The following CNOT6L variants were observed in gnomAD, a reference collection of about 807,000 sequenced individuals.
CNOT6L encodes the protein CCR4-NOT transcription complex subunit 6-like.
A neutral mutation model predicts 64.0 loss-of-function variants in CNOT6L; 7 were observed. The ratio of observed to expected loss-of-function variants is 0.11; its 90% CI spans 0.06 to 0.21. The LOEUF (loss-of-function observed/expected upper bound fraction) is 0.21. Ranked by LOEUF, CNOT6L falls within the 10% of genes least tolerant of loss-of-function variation. The pLI is 1.00. For synonymous variants in CNOT6L, 193 were observed against 243.4 expected (o/e 0.79, Z 1.93); for missense variants, 245 against 669.0 (o/e 0.37, Z 6.99).
intron 1 of CNOT6L, among the ~76,000 whole-genome samples, chr4:77,802,136 AG>A (rs1304298659): frequency 6.6e-6 from 1 of 152,214 alleles, no homozygotes; most frequent in African/African-American, 2.4e-5. Context: ...GTTCTAATAC[AG>A]GTTGATGATT....
Position 77,718,626 on chromosome 4 carries a change from C to A in CNOT6L, c.*1805G>T, listed in dbSNP as rs1020469152. The A allele has an allele frequency of 3.5e-4, 54 of 152,678 alleles. No homozygotes were observed. The highest frequency in any genetic ancestry group is 1.2e-3 in the African/African-American group (51 of 41,558). 9.5% of individuals were successfully genotyped at this position (152,678 alleles called of 1,614,324 possible). On this transcript the variant is annotated 3_prime_UTR_variant, in exon 12 of 12. Coordinates refer to ENST00000504123, the MANE Select transcript of CNOT6L (RefSeq NM_144571.3). ...AGGCACTTTTAAAAGGGAGTTCAGGCTTTACAGAACCCTTCTGATGCAATC... is the reference window on the plus strand; with the variant it reads ...AGGCACTTTTAAAAGGGAGTTCAGGATTTACAGAACCCTTCTGATGCAATC...
At chr4:77,779,117 G>T (rs981925456) in intron 1 of CNOT6L, among the ~76,000 whole-genome samples, 1 of 148,520 alleles carries the variant, frequency 6.7e-6, no homozygotes, top group Non-Finnish European at 1.5e-5. Flanking sequence ...AATTTAATCT[G>T]TTTTAATCAC....
chr4:77,814,527 C>T (rs986335330), intron 1 of CNOT6L, among the ~76,000 whole-genome samples: 1 of 152,146 alleles, frequency 6.6e-6, no homozygotes, highest in Non-Finnish European at 1.5e-5. Context: ...AAATTACATG[C>T]TTTATTTCCC....
At chr4:77,809,822 T>A (rs1437638445) in intron 1 of CNOT6L, among the ~76,000 whole-genome samples, 2 of 152,114 alleles carry the variant, frequency 1.3e-5, no homozygotes, top group African/African-American at 4.8e-5. Context: ...ACTTTAAGAT[T>A]AGAGAGGGAG....
chr4:77,755,944 T>TA (rs1725523177), intron 5 of CNOT6L, among the ~76,000 whole-genome samples: 1 of 152,084 alleles, frequency 6.6e-6, no homozygotes, highest in South Asian at 2.1e-4. Flanking sequence ...AAAAAAGTTT[T>TA]AAATCAAATA....
chr4:77,800,387 TGTGA>T (rs1485427713), intron 1 of CNOT6L, among the ~76,000 whole-genome samples: 2 of 151,806 alleles, frequency 1.3e-5, no homozygotes, highest in Non-Finnish European at 2.9e-5. Flanking sequence ...AGCATGTGAC[TGTGA>T]GTGAGCACCA....
rs188014116 is a variant in CNOT6L, at chr4:77,779,815, T to G, written c.6-3423A>C. ...TCTCTACCAAAAAAAATACAAAAAA[T>G]TAGCCGGGTGTGGTCGCGGGCGCCT... On this transcript the variant is annotated intron_variant, in intron 1 of 11. Coordinates refer to ENST00000504123, the MANE Select transcript of CNOT6L (RefSeq NM_144571.3). Among the ~76,000 whole-genome samples the G allele has an allele frequency of 1.0e-3, 152 of 152,112 alleles. 1 individual carries two copies. Among genetic ancestry groups the G allele is most frequent in the African/African-American group, 3.2e-3 (131 of 41,512 alleles).
intron 1 of CNOT6L, among the ~76,000 whole-genome samples, chr4:77,784,031 T>C (rs1410183919): frequency 1.3e-5 from 2 of 152,148 alleles, no homozygotes; most frequent in Non-Finnish European, 2.9e-5. Flanking sequence ...TTGTTATACA[T>C]CTTTCCAAAG....
intron 1 of CNOT6L, among the ~76,000 whole-genome samples, chr4:77,788,781 A>T (rs1027827513): frequency 1.3e-5 from 2 of 151,972 alleles, no homozygotes; most frequent in African/African-American, 4.8e-5. Flanking sequence ...AAGAAGTGCA[A>T]ATGTGTAATA....
intron 1 of CNOT6L, among the ~76,000 whole-genome samples, chr4:77,804,077 A>T (rs1001755884): frequency 6.6e-6 from 1 of 152,132 alleles, no homozygotes; most frequent in Non-Finnish European, 1.5e-5. Flanking sequence ...AACCATATAC[A>T]TGAATTATTT....
At position 77,717,463 on chromosome 4, in the gene CNOT6L, T is replaced by TATC. The variant is rs1349094862; in HGVS notation, c.*2965_*2967dup. 10 of 152,652 alleles carry TATC rather than the reference T, an allele frequency of 6.6e-5. No homozygotes were observed. The highest frequency in any genetic ancestry group is 1.5e-4 in the Non-Finnish European group (10 of 68,010). 9.5% of individuals were successfully genotyped at this position (152,652 alleles called of 1,614,324 possible). A position where few individuals can be genotyped will look rare whatever the true frequency, so the allele number is the denominator to read the frequency against. On this transcript the variant is annotated 3_prime_UTR_variant, in exon 12 of 12. Coordinates refer to ENST00000504123, the MANE Select transcript of CNOT6L (RefSeq NM_144571.3). ...TATTTAACAGTTTTAAAAAAACATGTATCACATTCTAAAAATGCCCAGATT... is the reference window on the plus strand; with the variant it reads ...TATTTAACAGTTTTAAAAAAACATGTATCATCACATTCTAAAAATGCCCAGATT...
chr4:77,815,763 G>A (rs547765978), intron 1 of CNOT6L, among the ~76,000 whole-genome samples: 1 of 152,196 alleles, frequency 6.6e-6, no homozygotes, highest in South Asian at 2.1e-4. Context: ...GGACTCCAAG[G>A]CCCTAAGAAA....
chr4:77,747,450 G>T (rs1215193970), intron 6 of CNOT6L, among the ~76,000 whole-genome samples: 1 of 152,184 alleles, frequency 6.6e-6, no homozygotes, highest in African/African-American at 2.4e-5. Context: ...TTACAGGCAT[G>T]AGCCACAGTG....
Position 77,720,266 on chromosome 4 carries a change from T to C in CNOT6L, c.*165A>G. ...CTTTGGTTCCAGCCCTACTGCCAAA[T>C]GATACCAATATGCACAAAAATGTAC... On this transcript the variant is annotated 3_prime_UTR_variant, in exon 12 of 12. Coordinates refer to ENST00000504123, the MANE Select transcript of CNOT6L (RefSeq NM_144571.3). 1.5e-6 allele frequency: 1 copy of C among 675,602 alleles called. No homozygotes were observed. Among genetic ancestry groups the C allele is most frequent in the South Asian group, 2.4e-5 (1 of 42,524 alleles). The allele number at this position is 675,602 out of a possible 1,614,324, so 41.9% of individuals were successfully genotyped here.
intron 5 of CNOT6L, among the ~76,000 whole-genome samples, chr4:77,755,469 C>T (rs1725458042): frequency 6.6e-6 from 1 of 152,054 alleles, no homozygotes; most frequent in Admixed American, 6.6e-5. Flanking sequence ...CCCACTTGGC[C>T]TCCCAAAGTG....
chr4:77,817,552 GCTCT>G (rs67118509), intron 1 of CNOT6L, among the ~76,000 whole-genome samples: 37,384 of 151,940 alleles, frequency 0.25, 5,287 homozygotes, highest in East Asian at 0.48. Context: ...AAAGGTATTA[GCTCT>G]CTGTGACTGA....
intron 10 of CNOT6L, among the ~76,000 whole-genome samples, chr4:77,728,043 A>G (rs1722065444): frequency 6.6e-6 from 1 of 152,240 alleles, no homozygotes; most frequent in Admixed American, 6.5e-5. Flanking sequence ...AAAGAGTAAT[A>G]GTCTAATGTT....
rs941047327 is a variant in CNOT6L, at chr4:77,819,360, AAC to A, written c.-54_-53del. 9.3e-6 allele frequency: 15 copies of A among 1,610,884 alleles called. No individual in the cohort carries two copies. In the African/African-American group the frequency reaches 1.2e-4, roughly 13 times the overall value. On this transcript the variant is annotated 5_prime_UTR_variant, in exon 1 of 12. Coordinates refer to ENST00000504123, the MANE Select transcript of CNOT6L (RefSeq NM_144571.3). ...GCAGCCATTTCCCCGCGGCAGGGGA[AAC>A]ACACACACAAACACGCGCGCGCGCG... is the stretch of plus-strand genomic sequence containing the variant.
chr4:77,739,742 G>A (rs1723370389), intron 8 of CNOT6L, among the ~76,000 whole-genome samples: 1 of 152,092 alleles, frequency 6.6e-6, no homozygotes, highest in Non-Finnish European at 1.5e-5. Flanking sequence ...AAAGAGTTGA[G>A]GAAGAAAAGA....
Sources: allele counts gnomAD v4.1 joint callset (sites outside exome capture counted in the v4.1 genomes callset), GRCh38; gene constraint gnomAD v4.1.1; transcripts MANE v1.5; gene names NCBI Gene and HGNC (gene_info 2026-07-23, HGNC 2026-07-21).